The following FKBP15 variants were observed in gnomAD, a reference collection of about 807,000 sequenced individuals.
FKBP15 encodes the protein FK506-binding protein 15.
A neutral mutation model predicts 158.1 loss-of-function variants in FKBP15; 106 were observed. That is an observed-to-expected ratio of 0.67 (90% CI 0.57 to 0.79). The LOEUF is 0.79. Among genes scored for constraint, FKBP15 ranks in the 30% least tolerant of loss-of-function variants. The pLI, the probability that FKBP15 is intolerant of heterozygous loss-of-function variation, is 0.00. For missense variants in FKBP15, 1,287 were observed against 1,479.1 expected, an observed-to-expected ratio of 0.87 and a Z score of 2.13; for synonymous variants, 547 against 548.6, an observed-to-expected ratio of 1.00 and a Z score of 0.04.
intron 3 of FKBP15, 58 bp downstream of exon 3, chr9:113,207,154 A>AGAG (rs1554717948): frequency 7.8e-7 from 1 of 1,277,552 alleles, no homozygotes; most frequent in South Asian, 1.2e-5. Flanking sequence ...GAGAAAAAGT[A>AGAG]GCTTAACTGC....
In FKBP15 at chr9:113,165,234, C is replaced by T. The variant is rs1468558242; in HGVS notation, c.*844G>A. ...CAATGGAAAGAAGGGACCCTCTCAC[C>T]TTCTTTGCATGGCTTCCTAGACTGC... On this transcript the variant is annotated 3_prime_UTR_variant, in exon 28 of 28. Coordinates refer to ENST00000238256, the MANE Select transcript of FKBP15 (RefSeq NM_015258.2). 6.6e-6 allele frequency: 1 copy of T among 152,196 alleles called. No individual in the cohort carries two copies. The highest frequency in any genetic ancestry group is 1.5e-5 in the Non-Finnish European group (1 of 68,046). 9.4% of individuals were successfully genotyped at this position (152,196 alleles called of 1,614,324 possible).
intron 1 of FKBP15, among the ~76,000 whole-genome samples, chr9:113,215,764 C>T (rs1045042891): frequency 6.7e-6 from 1 of 149,712 alleles, no homozygotes; most frequent in Non-Finnish European, 1.5e-5. Context: ...ATTCACATGC[C>T]TCAGCCTCCC....
Position 113,171,707 on chromosome 9 carries a change from C to A in FKBP15, c.2533-1G>T. The A allele has an allele frequency of 6.3e-7, 1 of 1,577,640 alleles. No homozygotes were observed. Among genetic ancestry groups the A allele is most frequent in the Non-Finnish European group, 8.6e-7 (1 of 1,163,512 alleles). ...TGATTTGGGCCTGGAGGGCTAAACACTGCAAAACAAACAGACTGTGGCTGT... is the reference window on the plus strand; with the variant it reads ...TGATTTGGGCCTGGAGGGCTAAACAATGCAAAACAAACAGACTGTGGCTGT... On this transcript the variant is annotated splice_acceptor_variant, in intron 23 of 27. Coordinates refer to ENST00000238256, the MANE Select transcript of FKBP15 (RefSeq NM_015258.2). LOFTEE classifies it high-confidence loss of function.
At position 113,208,142 on chromosome 9, in the gene FKBP15, G is replaced by C. The variant is rs191803704; in HGVS notation, c.170-846C>G. On this transcript the variant is annotated intron_variant, in intron 2 of 27. Transcript: ENST00000238256. ...GTGGATCACGAGGAGTTCGAGACCA[G>C]CCTGGCCAATATGGTGAAACCTTAT... 1.9e-3 allele frequency among the ~76,000 whole-genome samples: 295 copies of C among 152,200 alleles called. 2 individuals carry two copies. The highest frequency in any genetic ancestry group is 6.7e-3 in the African/African-American group (277 of 41,532).
At chr9:113,195,478 T>C (rs573940990) in intron 9 of FKBP15, among the ~76,000 whole-genome samples, 2 of 152,140 alleles carry the variant, frequency 1.3e-5, no homozygotes, top group South Asian at 4.2e-4. Flanking sequence ...ACAGAGAATA[T>C]AAAAGCTGTA....
intron 2 of FKBP15, among the ~76,000 whole-genome samples, chr9:113,207,980 C>T (rs1028110838): frequency 9.2e-5 from 14 of 152,178 alleles, no homozygotes; most frequent in African/African-American, 3.1e-4. Context: ...GTTATTTCCC[C>T]TTCCCTGTCT....
chr9:113,188,481 G>A lies in FKBP15; in HGVS notation c.1184C>T (p.Thr395Ile), dbSNP rs775147154. ...CACAGGCTGCCCACCTCCTTGCAGA[G>A]TGTTCACATCCTGAAACAGGAACAA... The part of the protein sequence containing the change: ...SNDSEIEDVN[T>I]LQGGGQPVVT... The change falls in exon 13 of 28, where the codon ACT becomes ATT. Residue 395 changes from threonine (T) to isoleucine (I), a missense_variant. Transcript: ENST00000238256. The A allele has an allele frequency of 6.2e-6, 10 of 1,613,812 alleles. No individual in the cohort carries two copies. In the Admixed American group the frequency reaches 6.7e-5, roughly 11 times the overall value.
In FKBP15 at chr9:113,213,207, G is replaced by T. The variant is rs561387368; in HGVS notation, c.54-1615C>A. Among the ~76,000 whole-genome samples the T allele has an allele frequency of 1.9e-3, 291 of 152,192 alleles. 1 individual carries two copies. Among genetic ancestry groups the T allele is most frequent in the Non-Finnish European group, 1.8e-4 (12 of 67,994 alleles). On this transcript the variant is annotated intron_variant, in intron 1 of 27. Transcript: ENST00000238256. The stretch of plus-strand genomic sequence containing the variant: ...GAGGATCACTTGAGGTCAGGCGTTC[G>T]AGACCAGCCTGACCAACATGGTGAA...
chr9:113,194,584 C>G (rs557271288), intron 9 of FKBP15, among the ~76,000 whole-genome samples: 2 of 152,130 alleles, frequency 1.3e-5, no homozygotes, highest in South Asian at 4.2e-4. Context: ...AAATGTAGCT[C>G]AGCCAAAAAG....
At position 113,203,092 on chromosome 9, in the gene FKBP15, GGCAATATAAAATCA is replaced by G. The variant is rs111549671; in HGVS notation, c.325-71_325-58del. The G allele has an allele frequency of 6.9e-4, 829 of 1,203,046 alleles. 1 individual carries two copies. In the African/African-American group the frequency reaches 0.01, roughly 15 times the overall value. The allele number at this position is 1,203,046 out of a possible 1,614,324, so 74.5% of individuals were successfully genotyped here. ...AAAAGAGAGACAGCAGAAGTTAAAA[GGCAATATAAAATCA>G]GCAATATAAAATCAGCAATAAGTAT... On this transcript the variant is annotated intron_variant, in intron 4 of 27. Coordinates refer to ENST00000238256, the MANE Select transcript of FKBP15 (RefSeq NM_015258.2).
At position 113,169,471 on chromosome 9, in the gene FKBP15, CACAG is replaced by C; in HGVS notation, c.3234_3237del (p.Cys1079SerfsTer4). The C allele has an allele frequency of 6.2e-7, 1 of 1,614,050 alleles. No homozygotes were observed. The highest frequency in any genetic ancestry group is 8.5e-7 in the Non-Finnish European group (1 of 1,179,902). ...GGGCCATCTGGTGCTACTTCCCTGA[CACAG>C]ACCTTTCCTGATGGGTTGTCGGGCT... is the stretch of plus-strand genomic sequence containing the variant. On this transcript the variant is annotated frameshift_variant, in exon 26 of 28. Transcript: ENST00000238256. LOFTEE classifies it high-confidence loss of function.
chr9:113,188,716 A>G (rs1830524731), intron 12 of FKBP15, among the ~76,000 whole-genome samples: 1 of 152,214 alleles, frequency 6.6e-6, no homozygotes, highest in Non-Finnish European at 1.5e-5. Context: ...TTGAATAAGT[A>G]AATATAGTTA....
At position 113,178,813 on chromosome 9, in the gene FKBP15, C is replaced by G. The variant is rs766465974; in HGVS notation, c.1915-12G>C. ...TCTGTCACCTTGGCCTGAATAATAA[C>G]AAAGTATGATGTCACTTTAAACATA... On this transcript the variant is annotated splice_polypyrimidine_tract_variant and intron_variant, in intron 19 of 27. Coordinates refer to ENST00000238256, the MANE Select transcript of FKBP15 (RefSeq NM_015258.2). 24 of 1,594,834 alleles carry G rather than the reference C, an allele frequency of 1.5e-5. 1 individual carries two copies. The Admixed American group carries it at 4.2e-4, about 28-fold the overall frequency.
Position 113,161,038 on chromosome 9 carries a change from C to T in FKBP15, c.*5040G>A, listed in dbSNP as rs1395355470. ...GGTAAAATAATTTATTGGGTTTTTC[C>T]CCTATTATAAAAGTAATATATATAA... On this transcript the variant is annotated 3_prime_UTR_variant, in exon 28 of 28. Coordinates refer to ENST00000238256, the MANE Select transcript of FKBP15 (RefSeq NM_015258.2). 6.5e-6 allele frequency: 1 copy of T among 152,692 alleles called. No individual in the cohort carries two copies. The highest frequency in any genetic ancestry group is 2.4e-5 in the African/African-American group (1 of 41,406). The allele number at this position is 152,692 out of a possible 1,614,324, so 9.5% of individuals were successfully genotyped here.
chr9:113,173,444 A>G lies in FKBP15; in HGVS notation c.2532+9T>C. 6.2e-7 allele frequency: 1 copy of G among 1,611,074 alleles called. No individual in the cohort carries two copies. The highest frequency in any genetic ancestry group is 8.5e-7 in the Non-Finnish European group (1 of 1,177,564). ...TGCCTAAACTGTCTGACTCAAGAAA[A>G]ATATGTACCTTTTCCTGAAGTTGTA... On this transcript the variant is annotated intron_variant, in intron 23 of 27. Transcript: ENST00000238256.
In FKBP15 at chr9:113,194,119, G is replaced by A. The variant is rs373790840; in HGVS notation, c.915C>T (p.Arg305=). 23 of 1,613,100 alleles carry A rather than the reference G, an allele frequency of 1.4e-5. No individual in the cohort carries two copies. The highest frequency in any genetic ancestry group is 4.0e-5 in the African/African-American group (3 of 74,828). ...GGATGGGAGACGGAGCTGCAGAATC[G>A]CGGGAACTAACACTGTGACCATCAG... The part of the protein sequence containing the change: ...SGSDGHSVSS[R]DSAAPSPIPG... The change falls in exon 10 of 28, where the codon CGC becomes CGT. Residue 305 remains arginine (R), a synonymous_variant. Coordinates refer to ENST00000238256, the MANE Select transcript of FKBP15 (RefSeq NM_015258.2).
At chr9:113,196,023 C>T (rs1353565120) in intron 9 of FKBP15, among the ~76,000 whole-genome samples, 1 of 136,346 alleles carries the variant, frequency 7.3e-6, no homozygotes, top group East Asian at 2.2e-4. Flanking sequence ...CACACAGACA[C>T]ACACACATGC....
At chr9:113,174,345 G>A (rs578124738) in intron 22 of FKBP15, 83 bp downstream of exon 22, 2 of 1,438,800 alleles carry the variant, frequency 1.4e-6, no homozygotes, top group South Asian at 2.7e-5. Flanking sequence ...TCATCCTAAA[G>A]GGTAAGGAAG....
chr9:113,203,245 T>G (rs1365801449), intron 4 of FKBP15, among the ~76,000 whole-genome samples: 1 of 152,228 alleles, frequency 6.6e-6, no homozygotes, highest in African/African-American at 2.4e-5. Context: ...TCTTACTGTT[T>G]AACTGTAATT....
Sources: gnomAD v4.1 joint callset for allele counts (sites outside exome capture counted in the v4.1 genomes callset) on GRCh38, gnomAD v4.1.1 for gene constraint, MANE v1.5 for transcripts, NCBI Gene and HGNC (gene_info 2026-07-23, HGNC 2026-07-21) for gene names.